LYZL4: variants seen among roughly 807,000 people sequenced by gnomAD.
LYZL4 encodes lysozyme-like protein 4.
A neutral mutation model predicts 17.6 loss-of-function variants in LYZL4; 13 were observed. The observed-to-expected ratio is 0.74, with a 90% CI of 0.48 to 1.18. LYZL4 has a LOEUF of 1.18. Among genes scored for constraint, LYZL4 ranks in the 50% most tolerant of loss-of-function variants. The probability of loss-of-function intolerance (pLI) is 0.00; values close to 1 mark genes in which losing one functional copy is unlikely to be tolerated. For synonymous variants in LYZL4, 64 were observed against 67.7 expected (o/e 0.95, Z 0.27); for missense variants, 174 against 188.2 (o/e 0.92, Z 0.44).
At chr3:42,405,173 C>G (rs111248635) in intron 3 of LYZL4, among the ~76,000 whole-genome samples, 7 of 152,208 alleles carry the variant, frequency 4.6e-5, no homozygotes, top group African/African-American at 1.4e-4. Context: ...CTCAGCCTCC[C>G]GAGTAGCTGG....
chr3:42,394,720 G>A (rs1698528667), downstream of LYZL4, among the ~76,000 whole-genome samples: 1 of 152,138 alleles, frequency 6.6e-6, no homozygotes, highest in Non-Finnish European at 1.5e-5. Context: ...ACCCGAGAGA[G>A]GCTGTTCCAA....
the LYZL4 span, among the ~76,000 whole-genome samples, chr3:42,368,001 T>A: frequency 6.6e-6 from 1 of 152,182 alleles, no homozygotes; most frequent in African/African-American, 2.4e-5. Flanking sequence ...AAGAGGCAGG[T>A]ACTCTTAGCT....
chr3:42,405,535 C>CT, intron 3 of LYZL4, among the ~76,000 whole-genome samples: 1 of 152,310 alleles, frequency 6.6e-6, no homozygotes, highest in Admixed American at 6.5e-5. Context: ...CATGAGAAGG[C>CT]TGCAGGCCTT....
At chr3:42,407,874 C>A (rs1698787237) in intron 1 of LYZL4, among the ~76,000 whole-genome samples, 2 of 152,126 alleles carry the variant, frequency 1.3e-5, no homozygotes, top group African/African-American at 4.8e-5. Context: ...TTTTTCCCTG[C>A]CGTCCACGCA....
the LYZL4 span, among the ~76,000 whole-genome samples, chr3:42,370,034 A>G: frequency 6.6e-6 from 1 of 151,718 alleles, no homozygotes; most frequent in Non-Finnish European, 1.5e-5. Flanking sequence ...CAAAACAAAG[A>G]CTCCAGGGGC....
the LYZL4 span, among the ~76,000 whole-genome samples, chr3:42,383,581 G>A: frequency 6.6e-6 from 1 of 151,850 alleles, no homozygotes; most frequent in African/African-American, 2.4e-5. Flanking sequence ...TCTTAGAGAA[G>A]ACTGTAAATA....
At chr3:42,406,674 C>T (rs1698759792) in intron 3 of LYZL4, among the ~76,000 whole-genome samples, 172 bp downstream of exon 3, 1 of 152,130 alleles carries the variant, frequency 6.6e-6, no homozygotes, top group African/African-American at 2.4e-5. Flanking sequence ...CCTGATCTCA[C>T]TGTACCCCCA....
chr3:42,379,102 ATTGT>A, the LYZL4 span, among the ~76,000 whole-genome samples: 1 of 152,106 alleles, frequency 6.6e-6, no homozygotes, highest in Admixed American at 6.5e-5. Flanking sequence ...AATAGCAATG[ATTGT>A]TTGCTCACAA....
the LYZL4 span, among the ~76,000 whole-genome samples, chr3:42,368,345 C>T: frequency 1.3e-5 from 2 of 152,068 alleles, no homozygotes; most frequent in African/African-American, 2.4e-5. Context: ...GCGAGGATGT[C>T]GAGGGGTGTC....
At chr3:42,380,660 C>G in the LYZL4 span, among the ~76,000 whole-genome samples, 1 of 152,122 alleles carries the variant, frequency 6.6e-6, no homozygotes, top group Non-Finnish European at 1.5e-5. Context: ...ATGGTGCTGG[C>G]CCAGGGACCA....
chr3:42,402,361 A>T (rs111256745), intron 4 of LYZL4, among the ~76,000 whole-genome samples: 1 of 140,924 alleles, frequency 7.1e-6, no homozygotes, highest in African/African-American at 2.8e-5. Context: ...AAAAGATAGA[A>T]AGGTAACTCA....
chr3:42,362,150 A>G, the LYZL4 span, among the ~76,000 whole-genome samples: 3 of 152,230 alleles, frequency 2.0e-5, no homozygotes, highest in Non-Finnish European at 4.4e-5. Context: ...AAAAGAAAAA[A>G]TATTAATTGC....
At chr3:42,371,720 T>C in the LYZL4 span, among the ~76,000 whole-genome samples, 2 of 152,162 alleles carry the variant, frequency 1.3e-5, no homozygotes. Context: ...GCTCAGTACA[T>C]ATAATCCATG....
chr3:42,375,281 T>G, the LYZL4 span, among the ~76,000 whole-genome samples: 14 of 152,206 alleles, frequency 9.2e-5, no homozygotes, highest in East Asian at 2.7e-3. Context: ...TTTTGTAGAA[T>G]AGTCGATCTA....
the LYZL4 span, among the ~76,000 whole-genome samples, chr3:42,387,227 G>A: frequency 6.6e-6 from 1 of 152,284 alleles, no homozygotes; most frequent in Non-Finnish European, 1.5e-5. Context: ...CGAGGGAAGT[G>A]AGACTTAACA....
the LYZL4 span, among the ~76,000 whole-genome samples, chr3:42,382,499 C>T: frequency 3.3e-5 from 5 of 151,884 alleles, no homozygotes; most frequent in East Asian, 7.7e-4. Context: ...CACTAGCTAG[C>T]GTGTATTGAC....
the LYZL4 span, among the ~76,000 whole-genome samples, chr3:42,373,296 G>A: frequency 6.6e-6 from 1 of 152,152 alleles, no homozygotes; most frequent in Non-Finnish European, 1.5e-5. Context: ...AACTGAGTCA[G>A]GAATGAGGTG....
At chr3:42,394,707 G>A (rs1698528414), downstream of LYZL4, among the ~76,000 whole-genome samples, 1 of 152,150 alleles carries the variant, frequency 6.6e-6, no homozygotes, top group Non-Finnish European at 1.5e-5. Context: ...GTGGGCTTGG[G>A]CAACCCGAGA....
Position 42,407,104 on chromosome 3 carries a change from C to G in LYZL4, c.139+9G>C, listed in dbSNP as rs776509859. 5 of 1,613,958 alleles carry G rather than the reference C, an allele frequency of 3.1e-6. No individual in the cohort carries two copies. In the African/African-American group the frequency reaches 5.3e-5, roughly 17 times the overall value. ...TGAGAGGAGGGAGCACTAAGTGGGGCCTACTCACAGTTCTCAAGGCTATAG... is the reference window on the plus strand; with the variant it reads ...TGAGAGGAGGGAGCACTAAGTGGGGGCTACTCACAGTTCTCAAGGCTATAG... On this transcript the variant is annotated intron_variant, in intron 2 of 4. Transcript: ENST00000287748.
Sources: allele counts gnomAD v4.1 joint callset (sites outside exome capture counted in the v4.1 genomes callset), GRCh38; gene constraint gnomAD v4.1.1; transcripts MANE v1.5; gene names NCBI Gene and HGNC (gene_info 2026-07-23, HGNC 2026-07-21).